ETV4: variants seen among roughly 807,000 people sequenced by gnomAD.
ETV4 encodes ETS variant transcription factor 4, also known as ETS translocation variant 4.
Under a neutral mutation model 65.9 loss-of-function variants are expected in ETV4, and 42 were observed. The ratio of observed to expected loss-of-function variants is 0.64; its 90% CI spans 0.50 to 0.82. The LOEUF (loss-of-function observed/expected upper bound fraction) is 0.82. Among genes scored for constraint, ETV4 ranks in the 40% least tolerant of loss-of-function variants. The probability of loss-of-function intolerance (pLI) is 0.00; values close to 1 mark genes in which losing one functional copy is unlikely to be tolerated. For synonymous variants in ETV4, 238 were observed against 260.0 expected (o/e 0.92, Z 0.81); for missense variants, 583 against 630.3 (o/e 0.92, Z 0.80).
At chr17:43,536,343 G>T in intron 5 of ETV4, 83 bp downstream of exon 5, 1 of 1,225,510 alleles carries the variant, frequency 8.2e-7, no homozygotes, top group Non-Finnish European at 1.2e-6. Flanking sequence ...AGAACAAGCT[G>T]CTCTCTTGTG....
At chr17:43,544,098 T>A (rs996480991) in intron 4 of ETV4, 1 of 152,204 alleles carries the variant, frequency 6.6e-6, no homozygotes, top group African/African-American at 2.4e-5. Flanking sequence ...AACCCTAAGA[T>A]GGGGGTAGTT....
intron 4 of ETV4, among the ~76,000 whole-genome samples, chr17:43,539,505 C>T (rs1971411392): frequency 6.6e-6 from 1 of 151,464 alleles, no homozygotes. Context: ...CTATCTCCTC[C>T]ACCAGGAAGT....
chr17:43,545,608 T>G lies in ETV4; in HGVS notation c.10A>C (p.Arg4=). MER[R]MKAGYLDQQV... Reference sequence around the variant, plus strand: ...TGGTCCAAGTATCCGGCTTTCATCCTCCGCTCCATCCGGCCGCTCCCTCCG... The same window carrying G: ...TGGTCCAAGTATCCGGCTTTCATCCGCCGCTCCATCCGGCCGCTCCCTCCG... The change falls in exon 2 of 13, where the codon AGG becomes CGG. Residue 4 remains arginine (R), a synonymous_variant. Coordinates refer to ENST00000319349, the MANE Select transcript of ETV4 (RefSeq NM_001079675.5). The G allele has an allele frequency of 1.3e-6, 2 of 1,550,470 alleles. No individual in the cohort carries two copies. The highest frequency in any genetic ancestry group is 1.7e-6 in the Non-Finnish European group (2 of 1,146,848).
chr17:43,541,460 G>A (rs1163205370), intron 4 of ETV4, among the ~76,000 whole-genome samples: 3 of 152,062 alleles, frequency 2.0e-5, no homozygotes, highest in African/African-American at 7.2e-5. Flanking sequence ...TAAGGAGGGG[G>A]TGGGAAAAGT....
intron 12 of ETV4, 100 bp downstream of exon 12, chr17:43,529,034 TC>T: frequency 9.2e-7 from 1 of 1,089,370 alleles, no homozygotes; most frequent in South Asian, 1.3e-5. Context: ...CATTATCTGA[TC>T]CTACAAAGTT....
Position 43,534,160 on chromosome 17 carries a change from C to T in ETV4, c.257-175G>A, listed in dbSNP as rs72833140. On this transcript the variant is annotated intron_variant, in intron 5 of 12. Transcript: ENST00000319349. ...GAGACAAGAACATTTTGGCTATTTA[C>T]ATTATGTCTAGTTTATACATCAGAC... is the stretch of plus-strand genomic sequence containing the variant. Among the ~76,000 whole-genome samples the T allele has an allele frequency of 9.6e-3, 1,465 of 152,298 alleles. 12 individuals are homozygous for T. The highest frequency in any genetic ancestry group is 0.015 in the Admixed American group (237 of 15,292).
chr17:43,536,471 G>T lies in ETV4; in HGVS notation c.211C>A (p.Pro71Thr). ...QETWLAEAQV[P>T]DSDEQFVPDF... is the part of the protein sequence containing the mutation. ...GGAACAAACTGCTCATCACTGTCTG[G>T]TACCTGAGCTGCAGAGAGAAGTCAG... Residue 71 changes from proline (P) to threonine (T), a missense_variant, in exon 5 of 13, where the codon CCA (proline) becomes ACA (threonine). Physicochemically the swap from Pro to Thr is conservative, Grantham distance 38. Coordinates refer to ENST00000319349, the MANE Select transcript of ETV4 (RefSeq NM_001079675.5). 1 of 1,614,196 alleles carries T rather than the reference G, an allele frequency of 6.2e-7. No individual in the cohort carries two copies. Among genetic ancestry groups the T allele is most frequent in the Non-Finnish European group, 8.5e-7 (1 of 1,180,022 alleles).
intron 10 of ETV4, 44 bp from the exon 11 acceptor site, chr17:43,529,720 G>A: frequency 6.3e-7 from 1 of 1,592,386 alleles, no homozygotes; most frequent in Non-Finnish European, 8.6e-7. Context: ...GTGTCTTTTG[G>A]TCCCCCAAGC....
Position 43,528,580 on chromosome 17 carries a change from T to C in ETV4, c.1394A>G (p.Tyr465Cys), listed in dbSNP as rs754777184. The stretch of plus-strand genomic sequence containing the variant: ...GGCGGGGCCAGCCAGCTCTGGGAGG[T>C]AGGCGGGGCTCTCATCCAAGTGGGA... The part of the protein sequence containing the change: ...PLSHLDESPA[Y>C]LPELAGPAQP... The change falls in exon 13 of 13, where the codon TAC becomes TGC. Residue 465 changes from tyrosine (Y) to cysteine (C), a missense_variant. Transcript: ENST00000319349. The C allele has an allele frequency of 1.9e-6, 3 of 1,613,592 alleles. No homozygotes were observed. Among genetic ancestry groups the C allele is most frequent in the Non-Finnish European group, 2.5e-6 (3 of 1,179,900 alleles).
chr17:43,535,813 T>G (rs1213714753), intron 5 of ETV4, among the ~76,000 whole-genome samples: 1 of 152,164 alleles, frequency 6.6e-6, no homozygotes, highest in Non-Finnish European at 1.5e-5. Context: ...GGAAGTGACT[T>G]AGAATACTAG....
chr17:43,532,684 G>T lies in ETV4; in HGVS notation c.801C>A (p.Ala267=). 1.2e-6 allele frequency: 2 copies of T among 1,612,326 alleles called. No individual in the cohort carries two copies. Among genetic ancestry groups the T allele is most frequent in the Non-Finnish European group, 1.7e-6 (2 of 1,178,838 alleles). Reference sequence around the variant, plus strand: ...ACCCCAGTCTCTTACCTGAGTCGTAGGCGAAGTCCGTCTGTTCCTGTTTGA... The same window carrying T: ...ACCCCAGTCTCTTACCTGAGTCGTATGCGAAGTCCGTCTGTTCCTGTTTGA... ...VVIKQEQTDF[A]YDSDVTGCAS... is the part of the protein sequence containing the mutation. The change falls in exon 8 of 13, where the codon GCC becomes GCA. Residue 267 remains alanine (A), a synonymous_variant. Coordinates refer to ENST00000319349, the MANE Select transcript of ETV4 (RefSeq NM_001079675.5).
intron 7 of ETV4, 119 bp from the exon 8 acceptor site, chr17:43,533,058 C>G (rs1971033137): frequency 6.7e-7 from 1 of 1,489,294 alleles, no homozygotes; most frequent in Non-Finnish European, 9.0e-7. Flanking sequence ...GTTGGGGTGT[C>G]AGTATTTCTC....
chr17:43,532,651 C>T, intron 8 of ETV4, 23 bp downstream of exon 8: 1 of 1,599,554 alleles, frequency 6.3e-7, no homozygotes. Context: ...CACATGCCAC[C>T]CTGCCCCACC....
chr17:43,529,872 C>A lies in ETV4; in HGVS notation c.955+12G>T, dbSNP rs765847968. On this transcript the variant is annotated intron_variant, in intron 10 of 12. Coordinates refer to ENST00000319349, the MANE Select transcript of ETV4 (RefSeq NM_001079675.5). ...AGACCTTGACCCTCCCATCAACAGT[C>A]ACTTCTCTGACCTTCAAATTTCTCA... 6.2e-7 allele frequency: 1 copy of A among 1,614,118 alleles called. No individual in the cohort carries two copies. The highest frequency in any genetic ancestry group is 1.3e-5 in the African/African-American group (1 of 75,042).
intron 5 of ETV4, 78 bp downstream of exon 5, chr17:43,536,348 C>T: frequency 7.7e-7 from 1 of 1,299,498 alleles, no homozygotes; most frequent in South Asian, 1.2e-5. Context: ...AAGCTGCTCT[C>T]TTGTGATTCT....
At chr17:43,529,011 T>C (rs1240224149) in intron 12 of ETV4, 124 bp downstream of exon 12, 1 of 969,502 alleles carries the variant, frequency 1.0e-6, no homozygotes, top group Non-Finnish European at 1.6e-6. Flanking sequence ...ATTTCTTGTC[T>C]CTCTGACTGA....
intron 5 of ETV4, 96 bp downstream of exon 5, chr17:43,536,330 G>T: frequency 9.1e-7 from 1 of 1,099,264 alleles, no homozygotes; most frequent in Non-Finnish European, 1.4e-6. Flanking sequence ...TGTGTTTTAG[G>T]AGAGAACAAG....
chr17:43,529,493 G>A lies in ETV4; in HGVS notation c.1128+11C>T, dbSNP rs749388064. 15 of 1,600,028 alleles carry A rather than the reference G, an allele frequency of 9.4e-6. No individual in the cohort carries two copies. Among genetic ancestry groups the A allele is most frequent in the Middle Eastern group, 1.7e-4 (1 of 6,014 alleles). The stretch of plus-strand genomic sequence containing the variant: ...TTGGAAAGGAGGGCTGGGAACATCC[G>A]AGAGGCCCACCTCCTCAGGCTCAAT... On this transcript the variant is annotated intron_variant, in intron 11 of 12. Coordinates refer to ENST00000319349, the MANE Select transcript of ETV4 (RefSeq NM_001079675.5).
chr17:43,545,106 T>C lies in ETV4; in HGVS notation c.155-84A>G, dbSNP rs1196178694. 14 of 1,442,980 alleles carry C rather than the reference T, an allele frequency of 9.7e-6. No individual in the cohort carries two copies. In the Admixed American group the frequency reaches 2.4e-4, roughly 24 times the overall value. 89.4% of individuals were successfully genotyped at this position (1,442,980 alleles called of 1,614,324 possible). ...CCCTAGCAAGACCCGGTGACTCCCC[T>C]GCCTTGGGAGTAGGGACCGAGAAGA... On this transcript the variant is annotated intron_variant, in intron 3 of 12. Transcript: ENST00000319349.
Sources: allele counts gnomAD v4.1 joint callset (sites outside exome capture counted in the v4.1 genomes callset), GRCh38; gene constraint gnomAD v4.1.1; transcripts MANE v1.5; gene names NCBI Gene and HGNC (gene_info 2026-07-23, HGNC 2026-07-21).